FGF12: variants seen among roughly 807,000 people sequenced by gnomAD.
The protein encoded by FGF12 is fibroblast growth factor 12B.
A neutral mutation model predicts 23.6 loss-of-function variants in FGF12; 14 were observed. The observed-to-expected ratio is 0.59, with a 90% CI of 0.39 to 0.93. The LOEUF is 0.93. Among genes scored for constraint, FGF12 ranks in the 40% least tolerant of loss-of-function variants. FGF12 has a pLI of 0.00. For missense variants in FGF12, 175 were observed against 217.8 expected (o/e 0.80, Z 1.24); for synonymous variants, 62 against 77.3 (o/e 0.80, Z 1.04).
At chr3:192,490,968 T>C (rs140185816) in intron 2 of FGF12, among the ~76,000 whole-genome samples, 122 of 152,258 alleles carry the variant, frequency 8.0e-4, no homozygotes, top group East Asian at 6.2e-3. Context: ...CATGGTTGTG[T>C]TCACTCTGTG....
At chr3:192,444,989 C>G (rs1210106295) in intron 2 of FGF12, among the ~76,000 whole-genome samples, 1 of 152,178 alleles carries the variant, frequency 6.6e-6, no homozygotes, top group East Asian at 1.9e-4. Context: ...AAAAAGAGCA[C>G]TAATTATGCA....
chr3:192,525,734 A>G (rs375020532), intron 2 of FGF12, among the ~76,000 whole-genome samples: 1 of 152,170 alleles, frequency 6.6e-6, no homozygotes, highest in East Asian at 1.9e-4. Flanking sequence ...ATCTCCGTAC[A>G]TGAACTTAAC....
chr3:192,460,266 C>T (rs1444287477), intron 2 of FGF12, among the ~76,000 whole-genome samples: 1 of 152,172 alleles, frequency 6.6e-6, no homozygotes, highest in Non-Finnish European at 1.5e-5. Context: ...TTCCAAAAGA[C>T]TCAGCTGAAC....
At chr3:192,322,098 C>T (rs528659533) in intron 4 of FGF12, among the ~76,000 whole-genome samples, 5 of 151,910 alleles carry the variant, frequency 3.3e-5, no homozygotes, top group South Asian at 2.1e-4. Context: ...CACAACTCTT[C>T]GAGCTGATAA....
At chr3:192,617,910 C>A (rs928507258) in intron 2 of FGF12, among the ~76,000 whole-genome samples, 34 of 152,018 alleles carry the variant, frequency 2.2e-4, no homozygotes, top group African/African-American at 7.2e-4. Flanking sequence ...CCCAGAAACG[C>A]TGGGAGTACT....
At chr3:192,636,440 A>T (rs561149206) in intron 2 of FGF12, among the ~76,000 whole-genome samples, 1 of 152,350 alleles carries the variant, frequency 6.6e-6, no homozygotes, top group Non-Finnish European at 1.5e-5. Context: ...AATTTCAACA[A>T]CCACTATAAA....
At chr3:192,379,391 A>G (rs1021407247) in intron 2 of FGF12, among the ~76,000 whole-genome samples, 6 of 145,152 alleles carry the variant, frequency 4.1e-5, no homozygotes, top group Admixed American at 1.4e-4. Flanking sequence ...TACACCTTCC[A>G]CTCAATTTTG....
chr3:192,589,333 C>CA (rs34596382), intron 2 of FGF12, among the ~76,000 whole-genome samples: 45,643 of 123,378 alleles, frequency 0.37, 7,793 homozygotes, highest in African/African-American at 0.44. Context: ...GACTCCATCT[C>CA]AAAAAAAAAA....
chr3:192,400,870 A>G (rs1304479804), intron 2 of FGF12, among the ~76,000 whole-genome samples: 1 of 151,068 alleles, frequency 6.6e-6, no homozygotes, highest in African/African-American at 2.4e-5. Context: ...ACCTTTACCC[A>G]CTCTTTTTAT....
At chr3:192,292,924 A>G (rs961300033) in intron 4 of FGF12, among the ~76,000 whole-genome samples, 1 of 152,054 alleles carries the variant, frequency 6.6e-6, no homozygotes, top group Non-Finnish European at 1.5e-5. Flanking sequence ...GACTACAGGC[A>G]TGTACCACTA....
intron 2 of FGF12, among the ~76,000 whole-genome samples, chr3:192,651,476 T>C (rs907581452): frequency 6.6e-6 from 1 of 152,164 alleles, no homozygotes; most frequent in Non-Finnish European, 1.5e-5. Context: ...AGAGGCCTGC[T>C]TCTCAATTCA....
chr3:192,156,364 G>T (rs1714418731), intron 5 of FGF12, among the ~76,000 whole-genome samples: 1 of 152,118 alleles, frequency 6.6e-6, no homozygotes, highest in Non-Finnish European at 1.5e-5. Flanking sequence ...GTCTCACTCA[G>T]GACCTTGGGG....
At chr3:192,609,989 G>C (rs1714490939) in intron 2 of FGF12, among the ~76,000 whole-genome samples, 2 of 152,060 alleles carry the variant, frequency 1.3e-5, no homozygotes, top group Non-Finnish European at 1.5e-5. Flanking sequence ...GTTGGCATCT[G>C]TTCTGACTGG....
At chr3:192,357,731 T>C (rs953569579) in intron 3 of FGF12, among the ~76,000 whole-genome samples, 1 of 152,158 alleles carries the variant, frequency 6.6e-6, no homozygotes. Context: ...TTTTCACTCA[T>C]GGAACATACA....
intron 2 of FGF12, among the ~76,000 whole-genome samples, chr3:192,530,116 C>G (rs1304424830): frequency 6.6e-6 from 1 of 151,998 alleles, no homozygotes; most frequent in Non-Finnish European, 1.5e-5. Flanking sequence ...TCATCCTTCT[C>G]TCTCCATCCT....
At chr3:192,578,728 G>A (rs1369067386) in intron 2 of FGF12, among the ~76,000 whole-genome samples, 2 of 151,316 alleles carry the variant, frequency 1.3e-5, no homozygotes, top group Non-Finnish European at 2.9e-5. Context: ...CAAATGAAAA[G>A]AAAAAAACAA....
intron 3 of FGF12, among the ~76,000 whole-genome samples, chr3:192,355,796 A>T (rs1395989907): frequency 6.6e-6 from 1 of 152,212 alleles, no homozygotes; most frequent in Non-Finnish European, 1.5e-5. Context: ...GTAAAGAAGC[A>T]GCAGCCACCC....
chr3:192,363,165 C>A (rs1284334596), intron 2 of FGF12, among the ~76,000 whole-genome samples: 2 of 151,348 alleles, frequency 1.3e-5, no homozygotes, highest in African/African-American at 2.4e-5. Context: ...GTGCAGCACA[C>A]CAACATGGCA....
intron 2 of FGF12, among the ~76,000 whole-genome samples, chr3:192,378,027 TTTC>T (rs1187320499): frequency 1.3e-4 from 1 of 7,582 alleles, no homozygotes; most frequent in Non-Finnish European, 2.1e-4. Context: ...GACTCTTTCT[TTTC>T]TTTCTTTCTT....
Sources: gnomAD v4.1 joint callset for allele counts (sites outside exome capture counted in the v4.1 genomes callset) on GRCh38, gnomAD v4.1.1 for gene constraint, MANE v1.5 for transcripts, NCBI Gene and HGNC (gene_info 2026-07-23, HGNC 2026-07-21) for gene names.